PUS10: variants seen among roughly 807,000 people sequenced by gnomAD.
PUS10 encodes tRNA pseudouridine synthase Pus10.
A neutral mutation model predicts 75.0 loss-of-function variants in PUS10; 59 were observed. That is an observed-to-expected ratio of 0.79 (90% CI 0.64 to 0.98). The LOEUF is 0.98. Ranked by LOEUF, PUS10 falls within the 50% of genes least tolerant of loss-of-function variation. The pLI is 0.00. For missense variants in PUS10, 650 were observed against 614.4 expected (o/e 1.06, Z -0.61); for synonymous variants, 219 against 211.6 (o/e 1.03, Z -0.30).
intron 4 of PUS10, among the ~76,000 whole-genome samples, chr2:60,999,870 C>T (rs1190772904): frequency 6.6e-6 from 1 of 151,986 alleles, no homozygotes; most frequent in African/African-American, 2.4e-5. Flanking sequence ...GTGATTATTC[C>T]CCAAATAATG....
intron 4 of PUS10, among the ~76,000 whole-genome samples, chr2:60,979,969 C>G (rs1035725557): frequency 9.9e-5 from 15 of 152,132 alleles, no homozygotes; most frequent in Non-Finnish European, 2.2e-4. Context: ...ATTGCATCTT[C>G]CAACACTGTA....
chr2:61,003,334 T>C (rs1558982988), intron 4 of PUS10, among the ~76,000 whole-genome samples: 2 of 151,776 alleles, frequency 1.3e-5, no homozygotes, highest in African/African-American at 4.8e-5. Context: ...TGGTGGCATA[T>C]GCCTGTAATC....
chr2:60,944,438 CTA>C (rs1674813987), intron 17 of PUS10, among the ~76,000 whole-genome samples: 1 of 152,218 alleles, frequency 6.6e-6, no homozygotes, highest in South Asian at 2.1e-4. Flanking sequence ...GGGAGGTACT[CTA>C]TTCCTAGTCA....
In PUS10 at chr2:60,940,916, G is replaced by A. The variant is rs1242238811; in HGVS notation, c.*1479C>T. The A allele has an allele frequency of 1.3e-5, 2 of 152,278 alleles. No individual in the cohort carries two copies. Among genetic ancestry groups the A allele is most frequent in the African/African-American group, 2.4e-5 (1 of 41,442 alleles). 9.4% of individuals were successfully genotyped at this position (152,278 alleles called of 1,614,324 possible). Reference sequence around the variant, plus strand: ...TGCATATCAAACACATGGTTTCAACGTGGTATGAAACTATGTTGGTTCCAA... The same window carrying A: ...TGCATATCAAACACATGGTTTCAACATGGTATGAAACTATGTTGGTTCCAA... On this transcript the variant is annotated 3_prime_UTR_variant, in exon 18 of 18. Transcript: ENST00000316752.
chr2:60,944,268 A>G, intron 17 of PUS10: 2 of 977,376 alleles, frequency 2.0e-6, no homozygotes, highest in Non-Finnish European at 2.4e-6. Context: ...CTAATCCCAG[A>G]GCACTTGAGA....
chr2:60,997,609 CAAAAAAAAA>C (rs559678211), intron 4 of PUS10, among the ~76,000 whole-genome samples: 34 of 77,844 alleles, frequency 4.4e-4, no homozygotes, highest in African/African-American at 1.0e-3. Context: ...GACTCCATCT[CAAAAAAAAA>C]AAAAAAAAAA....
intron 15 of PUS10, among the ~76,000 whole-genome samples, chr2:60,949,695 AT>A (rs1238381512): frequency 6.6e-6 from 1 of 152,214 alleles, no homozygotes; most frequent in African/African-American, 2.4e-5. Context: ...TAAAAACATT[AT>A]TTGAAATCAA....
At chr2:60,984,006 A>G (rs150564972) in intron 4 of PUS10, among the ~76,000 whole-genome samples, 3,677 of 152,218 alleles carry the variant, frequency 0.024, 127 homozygotes, top group African/African-American at 0.084. Context: ...CTCAAATTTC[A>G]ACTAAAATCA....
At chr2:60,975,981 G>C (rs1677012195) in intron 4 of PUS10, among the ~76,000 whole-genome samples, 1 of 152,062 alleles carries the variant, frequency 6.6e-6, no homozygotes. Context: ...AGGCTGGTCT[G>C]AAACTCCTGA....
intron 4 of PUS10, among the ~76,000 whole-genome samples, chr2:60,985,505 C>A (rs1212063928): frequency 6.6e-6 from 1 of 151,720 alleles, no homozygotes; most frequent in East Asian, 1.9e-4. Context: ...ATATTTTTTT[C>A]TCTCTTTTTT....
intron 15 of PUS10, 54 bp from the exon 16 acceptor site, chr2:60,948,239 A>C (rs751078472): frequency 1.8e-5 from 28 of 1,575,082 alleles, no homozygotes; most frequent in Non-Finnish European, 2.3e-5. Flanking sequence ...CACCCAGTGA[A>C]TCCTGTCTTA....
chr2:60,954,221 G>A, intron 12 of PUS10, 63 bp from the exon 13 acceptor site: 1 of 1,523,770 alleles, frequency 6.6e-7, no homozygotes, highest in East Asian at 2.3e-5. Context: ...TTGGGCTAAT[G>A]CAAGAGGGTT....
chr2:61,006,472 G>C, intron 4 of PUS10, 85 bp downstream of exon 4: 1 of 978,142 alleles, frequency 1.0e-6, no homozygotes, highest in East Asian at 2.5e-5. Context: ...ATATAATAGA[G>C]TAAGGAATAT....
Position 61,009,973 on chromosome 2 carries a change from A to G in PUS10, c.127-958T>C, listed in dbSNP as rs571819199. The G allele has an allele frequency of 3.9e-5, 6 of 152,358 alleles. No individual in the cohort carries two copies. In the South Asian group the frequency reaches 1.2e-3, roughly 32 times the overall value. 9.4% of individuals were successfully genotyped at this position (152,358 alleles called of 1,614,324 possible). A position where few individuals can be genotyped will look rare whatever the true frequency, so the allele number is the denominator to read the frequency against. On this transcript the variant is annotated intron_variant, in intron 2 of 17. Coordinates refer to ENST00000316752, the MANE Select transcript of PUS10 (RefSeq NM_144709.4). Reference sequence around the variant, plus strand: ...ATGTTTGTTGTTACCTAAGATCTATAATATAGATATAACATAGTGCATATA... The same window carrying G: ...ATGTTTGTTGTTACCTAAGATCTATGATATAGATATAACATAGTGCATATA...
intron 16 of PUS10, among the ~76,000 whole-genome samples, chr2:60,946,502 CCA>C (rs1558858648): frequency 6.6e-6 from 1 of 152,068 alleles, no homozygotes; most frequent in Non-Finnish European, 1.5e-5. Flanking sequence ...GAACTAAAGG[CCA>C]GGATTAGGTA....
chr2:60,955,113 C>G (rs1476808445), intron 11 of PUS10, 39 bp from the exon 12 acceptor site: 8 of 1,301,976 alleles, frequency 6.1e-6, no homozygotes, highest in Non-Finnish European at 8.7e-6. Context: ...TTAGAGACAT[C>G]ATAGCTCTAA....
intron 1 of PUS10, 35 bp from the exon 2 acceptor site, chr2:61,011,940 T>G: frequency 6.5e-7 from 1 of 1,542,220 alleles, no homozygotes; most frequent in Non-Finnish European, 8.7e-7. Flanking sequence ...ATGAGCAGCT[T>G]CTGCGTTTTA....
chr2:61,007,215 G>T (rs1228105319), intron 3 of PUS10, among the ~76,000 whole-genome samples: 18 of 144,494 alleles, frequency 1.2e-4, no homozygotes, highest in Non-Finnish European at 2.3e-4. Flanking sequence ...GTAGGCTTTT[G>T]TTTTTTTTTT....
At position 61,017,803 on chromosome 2, in the gene PUS10, G is replaced by A. The variant is rs576438646; in HGVS notation, c.-16+205C>T. The A allele has an allele frequency of 1.3e-6, 2 of 1,550,518 alleles. No homozygotes were observed. Among genetic ancestry groups the A allele is most frequent in the South Asian group, 2.4e-5 (2 of 84,010 alleles). ...CCTCCCCCCAAACCCTGGGAGACCC[G>A]CCGAATTCCGGGAGCCGGACCGGGA... On this transcript the variant is annotated intron_variant, in intron 1 of 17. Transcript: ENST00000316752.
Sources: gnomAD v4.1 joint callset for allele counts (sites outside exome capture counted in the v4.1 genomes callset) on GRCh38, gnomAD v4.1.1 for gene constraint, MANE v1.5 for transcripts, NCBI Gene and HGNC (gene_info 2026-07-23, HGNC 2026-07-21) for gene names.